The following TENM3 variants were observed in gnomAD, a reference collection of about 807,000 sequenced individuals.
TENM3 encodes the protein teneurin-3.
TENM3 carries 63 observed loss-of-function variants against 255.1 expected under a neutral mutation model. That is an observed-to-expected ratio of 0.25 (90% CI 0.20 to 0.30). The LOEUF is 0.30. Ranked by LOEUF, TENM3 falls within the 10% of genes least tolerant of loss-of-function variation. TENM3 has a pLI of 1.00. For missense variants in TENM3, 2,929 were observed against 3,461.1 expected, an observed-to-expected ratio of 0.85 and a Z score of 3.86; for synonymous variants, 1,306 against 1,322.3, an observed-to-expected ratio of 0.99 and a Z score of 0.27.
At chr4:182,523,510 T>G (rs1738800239) in intron 3 of TENM3, among the ~76,000 whole-genome samples, 1 of 152,186 alleles carries the variant, frequency 6.6e-6, no homozygotes, top group Non-Finnish European at 1.5e-5. Context: ...TAGTGGGTAC[T>G]GAGAAGAGAA....
At chr4:181,900,094 T>C in the TENM3 span, among the ~76,000 whole-genome samples, 1 of 152,200 alleles carries the variant, frequency 6.6e-6, no homozygotes, top group African/African-American at 2.4e-5. Flanking sequence ...TTTTCACACT[T>C]CATCACAGCC....
intron 3 of TENM3, among the ~76,000 whole-genome samples, chr4:182,518,909 AACTT>A (rs1290423943): frequency 1.3e-5 from 2 of 152,226 alleles, no homozygotes; most frequent in Non-Finnish European, 2.9e-5. Context: ...AACTAATAAT[AACTT>A]ATTTATTTAG....
At chr4:181,625,005 C>T in the TENM3 span, among the ~76,000 whole-genome samples, 2 of 151,942 alleles carry the variant, frequency 1.3e-5, no homozygotes, top group African/African-American at 2.4e-5. Flanking sequence ...GAGTGAAAGC[C>T]GAAAGCCTTC....
At chr4:181,530,516 G>T in the TENM3 span, among the ~76,000 whole-genome samples, 1 of 152,096 alleles carries the variant, frequency 6.6e-6, no homozygotes, top group South Asian at 2.1e-4. Flanking sequence ...AAATCAAGCT[G>T]GTCCTAAGGT....
chr4:182,589,446 ATTTTTTTTTTT>A (rs367629189), intron 3 of TENM3, among the ~76,000 whole-genome samples: 1 of 129,412 alleles, frequency 7.7e-6, no homozygotes, highest in African/African-American at 2.9e-5. Flanking sequence ...TAGGTTTTTA[ATTTTTTTTTTT>A]TTTTTTTTGG....
the TENM3 span, among the ~76,000 whole-genome samples, chr4:181,486,856 T>G: frequency 6.6e-6 from 1 of 152,220 alleles, no homozygotes; most frequent in Non-Finnish European, 1.5e-5. Flanking sequence ...ACAATTACAT[T>G]GGCATCTGGT....
chr4:182,752,388 T>A (rs541758882), intron 20 of TENM3, among the ~76,000 whole-genome samples: 291 of 152,254 alleles, frequency 1.9e-3, no homozygotes, highest in African/African-American at 6.4e-3. Flanking sequence ...AATTTCTTTG[T>A]CATGAATGAG....
chr4:182,633,748 G>A (rs1418727096), intron 5 of TENM3, among the ~76,000 whole-genome samples: 1 of 152,176 alleles, frequency 6.6e-6, no homozygotes, highest in Non-Finnish European at 1.5e-5. Context: ...GAGATGGCTC[G>A]CCTGAAGGCA....
At chr4:182,109,020 T>C in the TENM3 span, among the ~76,000 whole-genome samples, 1 of 151,916 alleles carries the variant, frequency 6.6e-6, no homozygotes, top group Non-Finnish European at 1.5e-5. Flanking sequence ...AGTTAACTTA[T>C]ATAGCCAGCA....
Position 182,501,769 on chromosome 4 carries a change from G to A in TENM3, c.512-99155G>A, listed in dbSNP as rs377278201. 5.9e-5 allele frequency among the ~76,000 whole-genome samples: 9 copies of A among 152,028 alleles called. 1 individual carries two copies. The highest frequency in any genetic ancestry group is 3.9e-4 in the East Asian group (2 of 5,180). On this transcript the variant is annotated intron_variant, in intron 3 of 27. Transcript: ENST00000511685. The stretch of plus-strand genomic sequence containing the variant: ...TCTGCATACTTTTCTCCATTCTGGC[G>A]ATATAGTTATATGACTTTTTTTAGT...
At chr4:181,466,190 C>T in the TENM3 span, among the ~76,000 whole-genome samples, 1 of 150,296 alleles carries the variant, frequency 6.7e-6, no homozygotes, top group Non-Finnish European at 1.5e-5. Flanking sequence ...CGATCTCAAC[C>T]CACTGCAACC....
the TENM3 span, among the ~76,000 whole-genome samples, chr4:181,732,370 G>C: frequency 2.0e-5 from 3 of 152,094 alleles, no homozygotes; most frequent in South Asian, 6.2e-4. Flanking sequence ...ACTTGACTCA[G>C]GTTATTTTAA....
the TENM3 span, among the ~76,000 whole-genome samples, chr4:181,825,301 T>C: frequency 6.9e-6 from 1 of 145,526 alleles, no homozygotes; most frequent in African/African-American, 2.6e-5. Context: ...CTCCAGAGGC[T>C]GAGGCAGGAG....
At chr4:181,461,570 C>T in the TENM3 span, among the ~76,000 whole-genome samples, 2 of 152,120 alleles carry the variant, frequency 1.3e-5, no homozygotes, top group South Asian at 2.1e-4. Context: ...TTTCTTTCTG[C>T]ACTTCATTTT....
Position 182,649,299 on chromosome 4 carries a change from T to G in TENM3, c.989-4472T>G, listed in dbSNP as rs898106282. Reference sequence around the variant, plus strand: ...TTACCTCATGGGGCAAATATAATCATTCTTTCTACAAAAAAAGAAGATAAT... The same window carrying G: ...TTACCTCATGGGGCAAATATAATCAGTCTTTCTACAAAAAAAGAAGATAAT... On this transcript the variant is annotated intron_variant, in intron 5 of 27. Coordinates refer to ENST00000511685, the MANE Select transcript of TENM3 (RefSeq NM_001080477.4). Among the ~76,000 whole-genome samples, 6 of 150,650 alleles carry G rather than the reference T, an allele frequency of 4.0e-5. 1 individual carries two copies. The highest frequency in any genetic ancestry group is 8.9e-5 in the Non-Finnish European group (6 of 67,426).
chr4:182,753,673 A>G (rs1203689994), intron 21 of TENM3, 69 bp downstream of exon 21: 73 of 1,465,510 alleles, frequency 5.0e-5, no homozygotes, highest in Non-Finnish European at 5.8e-5. Context: ...TCGGTAGACT[A>G]TGATGGCACC....
At chr4:182,644,201 C>T (rs1310876671) in intron 5 of TENM3, among the ~76,000 whole-genome samples, 3 of 152,150 alleles carry the variant, frequency 2.0e-5, no homozygotes, top group African/African-American at 2.4e-5. Flanking sequence ...GACTATGTCA[C>T]CAGCTGTCAT....
At chr4:182,071,449 C>CTTTTTTTTTTTTT in the TENM3 span, among the ~76,000 whole-genome samples, 3 of 139,472 alleles carry the variant, frequency 2.2e-5, no homozygotes, top group Middle Eastern at 3.7e-3. Flanking sequence ...TTTTTCTTTT[C>CTTTTTTTTTTTTT]TTTTTTTTTT....
chr4:181,981,823 G>A, the TENM3 span, among the ~76,000 whole-genome samples: 5 of 152,162 alleles, frequency 3.3e-5, no homozygotes, highest in African/African-American at 1.2e-4. Flanking sequence ...TTATAATGAC[G>A]GTTACTACTC....
Sources: allele counts gnomAD v4.1 joint callset (sites outside exome capture counted in the v4.1 genomes callset), GRCh38; gene constraint gnomAD v4.1.1; transcripts MANE v1.5; gene names NCBI Gene and HGNC (gene_info 2026-07-23, HGNC 2026-07-21).